Variants in CCDC102B observed in about 807,000 individuals in gnomAD.
CCDC102B encodes coiled-coil domain containing 102B.
A neutral mutation model predicts 57.4 loss-of-function variants in CCDC102B; 75 were observed. That is an observed-to-expected ratio of 1.31 (90% CI 1.08 to 1.58). The LOEUF (loss-of-function observed/expected upper bound fraction) is 1.58, where lower values mean the gene tolerates loss of function less well. Among genes scored for constraint, CCDC102B ranks in the 40% most tolerant of loss-of-function variants. The pLI is 0.00. For synonymous variants in CCDC102B, 206 were observed against 201.9 expected, an observed-to-expected ratio of 1.02 and a Z score of -0.17; for missense variants, 636 against 582.6, an observed-to-expected ratio of 1.09 and a Z score of -0.94.
chr18:69,045,922 G>A (rs1220544868), intron 7 of CCDC102B, among the ~76,000 whole-genome samples: 1 of 152,050 alleles, frequency 6.6e-6, no homozygotes, highest in African/African-American at 2.4e-5. Context: ...CTATGTTGCT[G>A]CAAAGAACAT....
rs59398909 is a variant in CCDC102B, at chr18:68,825,135, G to A, written c.-15-11614G>A. ...TTACGGAAGTTACTCTTATATAAAG[G>A]TAAATATTACAAAATATATTGAGAG... is the stretch of plus-strand genomic sequence containing the variant. On this transcript the variant is annotated intron_variant, in intron 1 of 7. Transcript: ENST00000360242. Among the ~76,000 whole-genome samples, 1,357 of 152,170 alleles carry A rather than the reference G, an allele frequency of 8.9e-3. 24 individuals are homozygous for A. The highest frequency in any genetic ancestry group is 0.031 in the African/African-American group (1,288 of 41,530).
intron 2 of CCDC102B, among the ~76,000 whole-genome samples, chr18:68,747,723 G>A (rs2145237123): frequency 6.6e-6 from 1 of 152,198 alleles, no homozygotes. Context: ...GCTGAATACA[G>A]TGATACATCA....
In CCDC102B at chr18:69,037,198, A is replaced by G. The variant is rs138358361; in HGVS notation, c.1435-16832A>G. The stretch of plus-strand genomic sequence containing the variant: ...ACCATAACCAAATTCCAAGCTGGAC[A>G]GATTATAAAGACACCCCACTGTGGA... On this transcript the variant is annotated intron_variant, in intron 7 of 7. Coordinates refer to ENST00000360242, the MANE Select transcript of CCDC102B (RefSeq NM_024781.3). Among the ~76,000 whole-genome samples, 5 of 152,146 alleles carry G rather than the reference A, an allele frequency of 3.3e-5. No individual in the cohort carries two copies. In the East Asian group the frequency reaches 7.7e-4, roughly 24 times the overall value.
At chr18:68,977,566 A>G (rs553126577) in intron 6 of CCDC102B, among the ~76,000 whole-genome samples, 102 of 151,982 alleles carry the variant, frequency 6.7e-4, no homozygotes, top group African/African-American at 2.4e-3. Flanking sequence ...TAAAAAAAAA[A>G]AAACAGGTTG....
chr18:69,028,102 A>G (rs1056342871), intron 7 of CCDC102B, among the ~76,000 whole-genome samples: 1 of 152,226 alleles, frequency 6.6e-6, no homozygotes, highest in African/African-American at 2.4e-5. Flanking sequence ...AAAAGACAAA[A>G]TGAAATTATC....
chr18:68,838,598 A>G (rs1262247321), intron 2 of CCDC102B, 108 bp from the exon 3 acceptor site: 1 of 1,461,150 alleles, frequency 6.8e-7, no homozygotes, highest in Non-Finnish European at 9.0e-7. Flanking sequence ...TGAAATAAAA[A>G]TATGAATTGG....
At chr18:68,900,843 A>T (rs1358970880) in intron 6 of CCDC102B, among the ~76,000 whole-genome samples, 1 of 152,188 alleles carries the variant, frequency 6.6e-6, no homozygotes, top group African/African-American at 2.4e-5. Flanking sequence ...AGTTCGAAGG[A>T]AAATCTAAGT....
At chr18:68,788,974 T>C (rs1393257609) in intron 2 of CCDC102B, among the ~76,000 whole-genome samples, 1 of 152,230 alleles carries the variant, frequency 6.6e-6, no homozygotes, top group Admixed American at 6.5e-5. Flanking sequence ...GTACTGGTTG[T>C]TCCTTTCCAT....
At chr18:68,941,383 G>A (rs991801309) in intron 6 of CCDC102B, among the ~76,000 whole-genome samples, 1 of 151,920 alleles carries the variant, frequency 6.6e-6, no homozygotes, top group African/African-American at 2.4e-5. Context: ...AGGATCTGAG[G>A]CAACACTTTG....
intron 7 of CCDC102B, among the ~76,000 whole-genome samples, chr18:69,036,840 C>G (rs781434768): frequency 6.6e-6 from 1 of 151,790 alleles, no homozygotes; most frequent in Admixed American, 6.6e-5. Flanking sequence ...GCATGAAAGA[C>G]GATAAACTGA....
chr18:68,732,957 A>G (rs1599382372), intron 2 of CCDC102B, among the ~76,000 whole-genome samples: 1 of 151,966 alleles, frequency 6.6e-6, no homozygotes, highest in South Asian at 2.1e-4. Context: ...GGGACAAAAT[A>G]AAGACATCCA....
intron 6 of CCDC102B, among the ~76,000 whole-genome samples, chr18:68,952,432 A>T (rs2049724928): frequency 6.6e-6 from 1 of 152,130 alleles, no homozygotes; most frequent in South Asian, 2.1e-4. Context: ...ATTTTGAATA[A>T]GAAATTGGCA....
chr18:68,773,151 AAAC>A, intron 2 of CCDC102B, among the ~76,000 whole-genome samples: 1 of 152,180 alleles, frequency 6.6e-6, no homozygotes, highest in East Asian at 1.9e-4. Context: ...TCATTCTTGG[AAAC>A]AACATTTTCA....
At chr18:68,748,480 T>C (rs1462943934) in intron 2 of CCDC102B, among the ~76,000 whole-genome samples, 1 of 152,096 alleles carries the variant, frequency 6.6e-6, no homozygotes, top group Non-Finnish European at 1.5e-5. Context: ...AGAAATTTCC[T>C]AATTTGACAG....
At chr18:68,905,176 A>G (rs1005848932) in intron 6 of CCDC102B, among the ~76,000 whole-genome samples, 2 of 151,210 alleles carry the variant, frequency 1.3e-5, no homozygotes, top group African/African-American at 2.4e-5. Context: ...TAAAACAAAG[A>G]TGCAAAATTT....
At chr18:68,717,292 A>T (rs2032079847) in intron 2 of CCDC102B, among the ~76,000 whole-genome samples, 11 of 152,216 alleles carry the variant, frequency 7.2e-5, no homozygotes, top group Admixed American at 7.2e-4. Flanking sequence ...GAGACGTTGT[A>T]ATGAGATGTA....
chr18:68,938,259 AT>A (rs1300311854), intron 6 of CCDC102B, among the ~76,000 whole-genome samples: 6 of 152,096 alleles, frequency 3.9e-5, no homozygotes, highest in Non-Finnish European at 2.9e-5. Context: ...CAGAATGAAT[AT>A]TAAACTTCTA....
chr18:68,844,109 A>T (rs1003468605), intron 3 of CCDC102B, among the ~76,000 whole-genome samples: 2 of 151,852 alleles, frequency 1.3e-5, no homozygotes, highest in African/African-American at 4.8e-5. Flanking sequence ...CATATCAGAT[A>T]TTTTCTTTAT....
intron 6 of CCDC102B, among the ~76,000 whole-genome samples, chr18:68,957,498 G>C (rs185352009): frequency 1.4e-5 from 2 of 147,010 alleles, no homozygotes; most frequent in Non-Finnish European, 3.0e-5. Flanking sequence ...CAGTACTGTA[G>C]TATTTTAGTT....
Sources: gnomAD v4.1 joint callset for allele counts (sites outside exome capture counted in the v4.1 genomes callset) on GRCh38, gnomAD v4.1.1 for gene constraint, MANE v1.5 for transcripts, NCBI Gene and HGNC (gene_info 2026-07-23, HGNC 2026-07-21) for gene names.